The following SCN8A variants were observed in gnomAD, a reference collection of about 807,000 sequenced individuals.
SCN8A encodes the protein sodium voltage-gated channel alpha subunit 8, also known as sodium channel protein type 8 subunit alpha.
A neutral mutation model predicts 184.1 loss-of-function variants in SCN8A; 30 were observed. The ratio of observed to expected loss-of-function variants is 0.16; its 90% CI spans 0.12 to 0.22. The LOEUF is 0.22. Among genes scored for constraint, SCN8A ranks in the 10% least tolerant of loss-of-function variants. The pLI is 1.00. For synonymous variants in SCN8A, 852 were observed against 907.0 expected (o/e 0.94, Z 1.09); for missense variants, 1,057 against 2,498.9 (o/e 0.42, Z 12.30).
chr12:51,701,086 T>C (rs777034457), intron 7 of SCN8A, 58 bp from the exon 8 acceptor site: 74 of 1,179,308 alleles, frequency 6.3e-5, no homozygotes, highest in Non-Finnish European at 9.3e-5. Context: ...AGTGTAACCT[T>C]ATTCTCTCAT....
At chr12:51,775,287 G>A (rs757890633) in intron 20 of SCN8A, among the ~76,000 whole-genome samples, 1 of 152,206 alleles carries the variant, frequency 6.6e-6, no homozygotes, top group African/African-American at 2.4e-5. Context: ...GCTGCATGGT[G>A]AACTACCTGT....
At chr12:51,609,017 T>C (rs570478408) in intron 1 of SCN8A, among the ~76,000 whole-genome samples, 1 of 152,250 alleles carries the variant, frequency 6.6e-6, no homozygotes, top group Non-Finnish European at 1.5e-5. Context: ...AGCAGGTTAC[T>C]TAACTTCTAT....
chr12:51,756,435 C>T (rs924365478), intron 14 of SCN8A, among the ~76,000 whole-genome samples: 2 of 152,170 alleles, frequency 1.3e-5, no homozygotes, highest in African/African-American at 4.8e-5. Flanking sequence ...GTGAGTCTTC[C>T]CCTGCAGGGA....
intron 13 of SCN8A, among the ~76,000 whole-genome samples, chr12:51,748,898 T>C (rs978050971): frequency 1.3e-5 from 2 of 152,218 alleles, no homozygotes; most frequent in Non-Finnish European, 2.9e-5. Flanking sequence ...AGAAACCTCA[T>C]GGTCTACCAA....
intron 1 of SCN8A, among the ~76,000 whole-genome samples, chr12:51,649,861 G>A (rs1246918492): frequency 2.0e-5 from 3 of 152,332 alleles, no homozygotes; most frequent in Non-Finnish European, 2.9e-5. Context: ...CAGCCAGCTT[G>A]TATTTCTCCT....
At chr12:51,722,362 A>G (rs577192846) in intron 12 of SCN8A, 41 of 181,814 alleles carry the variant, frequency 2.3e-4, no homozygotes, top group African/African-American at 8.3e-4. Flanking sequence ...GCCACCACCA[A>G]TGACCAAGTC....
chr12:51,770,038 C>G (rs947421270), intron 18 of SCN8A, 53 bp downstream of exon 18: 32 of 1,264,932 alleles, frequency 2.5e-5, no homozygotes, highest in Middle Eastern at 2.5e-4. Context: ...TGCTCACAGA[C>G]ACAGTTGTGC....
intron 12 of SCN8A, among the ~76,000 whole-genome samples, chr12:51,726,506 C>G (rs1287721350): frequency 6.6e-6 from 1 of 152,138 alleles, no homozygotes; most frequent in Non-Finnish European, 1.5e-5. Context: ...AACTCCTAAG[C>G]TTTTACCATT....
At chr12:51,635,631 T>A (rs1199430614) in intron 1 of SCN8A, among the ~76,000 whole-genome samples, 2 of 152,146 alleles carry the variant, frequency 1.3e-5, no homozygotes, top group African/African-American at 4.8e-5. Flanking sequence ...TCTCTGGAAC[T>A]CTTAAGTGGA....
intron 1 of SCN8A, among the ~76,000 whole-genome samples, chr12:51,616,746 C>G (rs1398968454): frequency 1.3e-5 from 2 of 151,596 alleles, no homozygotes; most frequent in Non-Finnish European, 2.9e-5. Context: ...TAGGGAGACC[C>G]CCATCTCTAC....
chr12:51,785,578 G>A (rs527294825), intron 21 of SCN8A, among the ~76,000 whole-genome samples: 1 of 152,154 alleles, frequency 6.6e-6, no homozygotes. Flanking sequence ...ACTCTAAATT[G>A]TGTGCTGCTC....
chr12:51,790,552 AG>A (rs1938219464), intron 25 of SCN8A, 50 bp downstream of exon 25: 2 of 1,236,352 alleles, frequency 1.6e-6, no homozygotes, highest in Non-Finnish European at 2.3e-6. Context: ...ATATAGGAAA[AG>A]TACTAGTAGA....
At position 51,807,136 on chromosome 12, in the gene SCN8A, G is replaced by A. The variant is rs147578087; in HGVS notation, c.5650G>A (p.Glu1884Lys). The A allele has an allele frequency of 2.5e-6, 4 of 1,613,864 alleles. No homozygotes were observed. The highest frequency in any genetic ancestry group is 3.4e-6 in the Non-Finnish European group (4 of 1,179,870). ...VASNPSKVSY[E>K]PITTTLRRKQ... ...ATCCAATCCTTCCAAAGTGTCTTACGAGCCAATCACAACCACACTGCGTCG... is the reference window on the plus strand; with the variant it reads ...ATCCAATCCTTCCAAAGTGTCTTACAAGCCAATCACAACCACACTGCGTCG... Residue 1884 changes from glutamate (E) to lysine (K), a missense_variant, in exon 27 of 27, where the codon GAG (glutamate) becomes AAG (lysine). Physicochemically the swap from Glu to Lys is moderately conservative, Grantham distance 56. Coordinates refer to ENST00000627620, the MANE Select transcript of SCN8A (RefSeq NM_001330260.2). The surrounding 1 kb of genome is among the most constrained non-coding windows in gnomAD (Gnocchi z 4.5).
intron 2 of SCN8A, among the ~76,000 whole-genome samples, chr12:51,671,651 T>C (rs1351028294): frequency 6.6e-6 from 1 of 152,236 alleles, no homozygotes; most frequent in South Asian, 2.1e-4. Flanking sequence ...TGACAATAAT[T>C]AAACATATTT....
chr12:51,789,042 A>T (rs1341970727), intron 23 of SCN8A, among the ~76,000 whole-genome samples: 1 of 152,194 alleles, frequency 6.6e-6, no homozygotes, highest in Non-Finnish European at 1.5e-5. Flanking sequence ...CCTAGCAGAC[A>T]GCCCTCCCTC....
At chr12:51,683,898 G>A (rs1409750906) in intron 2 of SCN8A, among the ~76,000 whole-genome samples, 1 of 152,132 alleles carries the variant, frequency 6.6e-6, no homozygotes. Flanking sequence ...TGGCATAGAA[G>A]CTTAGGTATG....
chr12:51,781,918 CT>C (rs1183329557), intron 21 of SCN8A, among the ~76,000 whole-genome samples: 1 of 152,178 alleles, frequency 6.6e-6, no homozygotes, highest in Non-Finnish European at 1.5e-5. Context: ...ATTGGAAAAA[CT>C]AGATACCAGG....
At chr12:51,659,827 A>G (rs1940893500) in intron 1 of SCN8A, among the ~76,000 whole-genome samples, 2 of 152,208 alleles carry the variant, frequency 1.3e-5, no homozygotes. Context: ...GGGACTTGGC[A>G]GAGATAACTG....
In SCN8A at chr12:51,789,788, C is replaced by T. The variant is rs139217031; in HGVS notation, c.4419+370C>T. Among the ~76,000 whole-genome samples the T allele has an allele frequency of 5.3e-5, 8 of 152,330 alleles. No homozygotes were observed. The East Asian group carries it at 1.5e-3, about 29-fold the overall frequency. On this transcript the variant is annotated intron_variant, in intron 24 of 26. Transcript: ENST00000627620. ...CTAGACTTGTGATTATCTAGTCAAT[C>T]TCTGAGCACAAGCAAATTGGGATTT... is the stretch of plus-strand genomic sequence containing the variant.
Sources: allele counts gnomAD v4.1 joint callset (sites outside exome capture counted in the v4.1 genomes callset), GRCh38; gene constraint gnomAD v4.1.1; non-coding constraint Gnocchi (gnomAD v3.1); transcripts MANE v1.5; gene names NCBI Gene and HGNC (gene_info 2026-07-23, HGNC 2026-07-21).